The following PCDHA4 variants were observed in gnomAD, a reference collection of about 807,000 sequenced individuals.
The protein encoded by PCDHA4 is protocadherin alpha 4, also known as protocadherin alpha-4.
In PCDHA4, 49 loss-of-function variants were observed where a neutral mutation model predicts 61.4. The observed-to-expected ratio is 0.80, with a 90% CI of 0.63 to 1.01. The LOEUF is 1.01. PCDHA4 is among the 50% of genes least tolerant of loss of function. The probability of loss-of-function intolerance (pLI) is 0.00; values close to 1 mark genes in which losing one functional copy is unlikely to be tolerated. For synonymous variants in PCDHA4, 590 were observed against 550.3 expected, an observed-to-expected ratio of 1.07 and a Z score of -1.01; for missense variants, 1,254 against 1,235.8, an observed-to-expected ratio of 1.01 and a Z score of -0.22.
rs1424860955 is a variant in PCDHA4, at chr5:140,855,923, A to G, written c.2385+46351A>G. 3.3e-6 allele frequency: 4 copies of G among 1,229,030 alleles called. No individual in the cohort carries two copies. In the East Asian group the frequency reaches 9.4e-5, roughly 29 times the overall value. The allele number at this position is 1,229,030 out of a possible 1,614,324, so 76.1% of individuals were successfully genotyped here. ...GCCAGTTTCTCAAGGACTAGGAAGT[A>G]GCGTCATTCTGAGATCTCAGCCATT... On this transcript the variant is annotated intron_variant, in intron 1 of 3. Transcript: ENST00000530339.
chr5:140,969,117 A>G (rs1554231477), intron 1 of PCDHA4: 1 of 1,614,178 alleles, frequency 6.2e-7, no homozygotes, highest in Non-Finnish European at 8.5e-7. Context: ...GTTCGAGGGA[A>G]TGGCTCCCTC....
At chr5:140,958,367 T>C (rs1029042656) in intron 1 of PCDHA4, among the ~76,000 whole-genome samples, 2 of 152,166 alleles carry the variant, frequency 1.3e-5, no homozygotes, top group Admixed American at 6.5e-5. Context: ...TTATCAGGAA[T>C]GTTGCTATTT....
At position 140,822,192 on chromosome 5, in the gene PCDHA4, A is replaced by C; in HGVS notation, c.2385+12620A>C. ...GGTTCTCCAGACAAGAACAAAGATT[A>C]TTCATTTTAGAGTCAAGAATGCCAG... On this transcript the variant is annotated intron_variant, in intron 1 of 3. Coordinates refer to ENST00000530339, the MANE Select transcript of PCDHA4 (RefSeq NM_018907.4). The C allele has an allele frequency of 6.2e-7, 1 of 1,614,266 alleles. No homozygotes were observed. The highest frequency in any genetic ancestry group is 2.2e-5 in the East Asian group (1 of 44,890).
chr5:140,938,908 C>A (rs1213664574), intron 1 of PCDHA4, among the ~76,000 whole-genome samples: 1 of 152,074 alleles, frequency 6.6e-6, no homozygotes, highest in Non-Finnish European at 1.5e-5. Flanking sequence ...CACACACACA[C>A]ACGCACAAGA....
intron 1 of PCDHA4, chr5:140,884,495 A>T: frequency 6.2e-7 from 1 of 1,614,034 alleles, no homozygotes; most frequent in Non-Finnish European, 8.5e-7. Flanking sequence ...AGTGTGCTCC[A>T]GCGCGGCAGG....
intron 1 of PCDHA4, among the ~76,000 whole-genome samples, chr5:140,921,386 A>C (rs2080192825): frequency 6.6e-6 from 1 of 152,156 alleles, no homozygotes; most frequent in African/African-American, 2.4e-5. Flanking sequence ...ATATTTGATA[A>C]ACATTCACAC....
At chr5:140,829,746 A>G (rs1255016400) in intron 1 of PCDHA4, 1 of 1,613,582 alleles carries the variant, frequency 6.2e-7, no homozygotes, top group Non-Finnish European at 8.5e-7. Flanking sequence ...GTGACGCTGC[A>G]GGTGTTCGTG....
intron 1 of PCDHA4, among the ~76,000 whole-genome samples, chr5:140,960,271 CA>C (rs1193468231): frequency 2.0e-5 from 3 of 152,182 alleles, no homozygotes; most frequent in Non-Finnish European, 4.4e-5. Flanking sequence ...TAAATTCCGT[CA>C]CCTTTTTGGG....
At chr5:140,854,117 G>A (rs1311675249) in intron 1 of PCDHA4, 2 of 316,896 alleles carry the variant, frequency 6.3e-6, no homozygotes, top group African/African-American at 5.1e-5. Flanking sequence ...AACTGTGATG[G>A]CACAACTGCA....
Position 140,928,056 on chromosome 5 carries a change from G to A in PCDHA4, c.2386-50893G>A, listed in dbSNP as rs183490994. ...CTAGTGCAGGCCCTTTTCAGCTGAC[G>A]GCTTCCTTTGACAACTACTACAGCC... On this transcript the variant is annotated intron_variant, in intron 1 of 3. Coordinates refer to ENST00000530339, the MANE Select transcript of PCDHA4 (RefSeq NM_018907.4). The A allele has an allele frequency of 2.8e-5, 45 of 1,614,154 alleles. 1 individual carries two copies. The East Asian group carries it at 4.7e-4, about 17-fold the overall frequency.
chr5:140,953,670 T>C (rs2094923970), intron 1 of PCDHA4, among the ~76,000 whole-genome samples: 1 of 152,212 alleles, frequency 6.6e-6, no homozygotes, highest in Non-Finnish European at 1.5e-5. Flanking sequence ...TGGAAGGGTC[T>C]GTTTATTATG....
intron 1 of PCDHA4, chr5:140,842,447 G>T (rs200777298): frequency 6.2e-7 from 1 of 1,613,672 alleles, no homozygotes; most frequent in African/African-American, 1.3e-5. Flanking sequence ...TAGCGTGAAC[G>T]ACCTCGATTC....
chr5:140,828,328 G>C (rs2150154136), intron 1 of PCDHA4: 2 of 1,614,228 alleles, frequency 1.2e-6, no homozygotes, highest in Admixed American at 3.3e-5. Flanking sequence ...AGGTAAATCT[G>C]CAGAATGGCA....
intron 1 of PCDHA4, chr5:140,928,537 A>G (rs2085311063): frequency 1.2e-6 from 2 of 1,614,198 alleles, no homozygotes; most frequent in African/African-American, 2.7e-5. Context: ...GGTAGATAGG[A>G]ATGACAATTA....
intron 1 of PCDHA4, chr5:140,847,666 C>T (rs1419197833): frequency 6.7e-6 from 1 of 149,608 alleles, no homozygotes; most frequent in African/African-American, 2.4e-5. Flanking sequence ...GATTATAAAG[C>T]TTGGAAAGAA....
rs1554124655 is a variant in PCDHA4 at position 140,808,613 on chromosome 5, A to G, written c.1426A>G (p.Thr476Ala). Residue 476 changes from threonine to alanine, a missense_variant, in exon 1 of 4, where the codon ACT becomes GCT. Physicochemically the swap from Thr to Ala is moderately conservative, Grantham distance 58 (BLOSUM62 0). Coordinates refer to ENST00000530339, the MANE Select transcript of PCDHA4 (RefSeq NM_018907.4). ...ENNPPGCHIFTVSAWDADAQE... is the reference protein window; with the variant it reads ...ENNPPGCHIFAVSAWDADAQE... The stretch of plus-strand genomic sequence containing the variant: ...CAACCCGCCGGGCTGCCACATCTTC[A>G]CTGTGTCTGCGTGGGACGCGGACGC... The G allele has an allele frequency of 1.9e-6, 3 of 1,613,806 alleles. No homozygotes were observed. The highest frequency in any genetic ancestry group is 2.2e-5 in the South Asian group (2 of 91,066).
intron 1 of PCDHA4, chr5:140,828,899 G>A: frequency 6.2e-7 from 1 of 1,614,256 alleles, no homozygotes; most frequent in Non-Finnish European, 8.5e-7. Flanking sequence ...TTCTGATCGG[G>A]ATGAAGGAGC....
At chr5:140,967,996 C>T in intron 1 of PCDHA4, 2 of 1,614,214 alleles carry the variant, frequency 1.2e-6, no homozygotes, top group Non-Finnish European at 1.7e-6. Flanking sequence ...CACTGCCTTT[C>T]CGACTGAATG....
chr5:140,851,315 T>G lies in PCDHA4; in HGVS notation c.2385+41743T>G. ...GCAAAAATATATAGCAATTGTTACC[T>G]TGTTAAGTTTGTAGTTCTCTACATT... On this transcript the variant is annotated intron_variant, in intron 1 of 3. Coordinates refer to ENST00000530339, the MANE Select transcript of PCDHA4 (RefSeq NM_018907.4). 7.1e-6 allele frequency: 7 copies of G among 992,586 alleles called. 1 individual carries two copies. The highest frequency in any genetic ancestry group is 8.6e-6 in the Non-Finnish European group (7 of 809,654). 61.5% of individuals were successfully genotyped at this position (992,586 alleles called of 1,614,324 possible).
Sources: allele counts gnomAD v4.1 joint callset (sites outside exome capture counted in the v4.1 genomes callset), GRCh38; gene constraint gnomAD v4.1.1; transcripts MANE v1.5; gene names NCBI Gene and HGNC (gene_info 2026-07-23, HGNC 2026-07-21).